Variants in CAST observed in about 807,000 individuals in gnomAD.
The protein encoded by CAST is calpastatin.
In CAST, 76 loss-of-function variants were observed where a neutral mutation model predicts 119.6. The observed-to-expected ratio is 0.64, with a 90% CI of 0.53 to 0.77. CAST has a LOEUF of 0.77. Ranked by LOEUF, CAST falls within the 30% of genes least tolerant of loss-of-function variation. The probability of loss-of-function intolerance (pLI) is 0.00; values close to 1 mark genes in which losing one functional copy is unlikely to be tolerated. For synonymous variants in CAST, 319 were observed against 331.6 expected (o/e 0.96, Z 0.41); for missense variants, 953 against 946.5 (o/e 1.01, Z -0.09).
chr5:96,722,733 A>T, intron 4 of CAST, 35 bp downstream of exon 4: 1 of 1,461,580 alleles, frequency 6.8e-7, no homozygotes, highest in Non-Finnish European at 9.6e-7. Context: ...GTGCTAATTT[A>T]AGTTGATTGT....
the CAST span, chr5:96,423,301 G>T: frequency 2.5e-6 from 4 of 1,601,968 alleles, no homozygotes; most frequent in Non-Finnish European, 3.4e-6. Flanking sequence ...TCATGAGAAG[G>T]CACACACTTA....
intron 2 of CAST, among the ~76,000 whole-genome samples, chr5:96,677,710 G>A (rs1196562055): frequency 1.3e-5 from 2 of 152,224 alleles, no homozygotes; most frequent in African/African-American, 4.8e-5. Context: ...ACCAGCAGAA[G>A]TAAAGAGGGG....
chr5:96,100,835 C>T, the CAST span, among the ~76,000 whole-genome samples: 1 of 151,954 alleles, frequency 6.6e-6, no homozygotes. Flanking sequence ...ACTTATTAAT[C>T]TCTAAATTGC....
the CAST span, among the ~76,000 whole-genome samples, chr5:96,002,797 G>T: frequency 1.3e-5 from 2 of 152,232 alleles, no homozygotes; most frequent in Admixed American, 6.5e-5. Flanking sequence ...ATGCAAGGCT[G>T]CTCTGAATAA....
the CAST span, among the ~76,000 whole-genome samples, chr5:96,439,883 T>C: frequency 6.6e-6 from 1 of 152,154 alleles, no homozygotes; most frequent in East Asian, 1.9e-4. Flanking sequence ...TTGTCCCTAA[T>C]TATGGTTAGA....
At chr5:96,589,684 T>C (rs1034371005) in intron 1 of CAST, among the ~76,000 whole-genome samples, 7 of 152,220 alleles carry the variant, frequency 4.6e-5, no homozygotes, top group African/African-American at 1.7e-4. Context: ...GTGATTCCTT[T>C]AATAGCATAA....
At chr5:96,093,689 G>A in the CAST span, among the ~76,000 whole-genome samples, 3 of 152,218 alleles carry the variant, frequency 2.0e-5, no homozygotes, top group South Asian at 6.2e-4. Context: ...TGGGTTTGAA[G>A]GGTCTGGAAA....
chr5:96,667,353 G>A (rs947743438), intron 1 of CAST, among the ~76,000 whole-genome samples: 2 of 152,160 alleles, frequency 1.3e-5, no homozygotes, highest in African/African-American at 4.8e-5. Context: ...TCGTGCAGTG[G>A]TCTGTGCCTG....
At chr5:96,743,648 A>C (rs1193713511) in intron 16 of CAST, 1 of 1,613,088 alleles carries the variant, frequency 6.2e-7, no homozygotes, top group East Asian at 2.2e-5. Flanking sequence ...TCTATCTTCG[A>C]CTTTCTTGGA....
At chr5:96,584,994 C>T (rs1183094676) in intron 1 of CAST, 2 of 152,218 alleles carry the variant, frequency 1.3e-5, no homozygotes, top group Non-Finnish European at 2.9e-5. Flanking sequence ...TCAGGCCAAG[C>T]TGAAACGTGG....
At chr5:96,422,927 G>A in the CAST span, among the ~76,000 whole-genome samples, 2 of 145,028 alleles carry the variant, frequency 1.4e-5, no homozygotes, top group African/African-American at 5.8e-5. Flanking sequence ...TACAATGTCA[G>A]GGATATAGAC....
At chr5:96,018,793 C>A in the CAST span, among the ~76,000 whole-genome samples, 2 of 152,142 alleles carry the variant, frequency 1.3e-5, no homozygotes, top group Non-Finnish European at 2.9e-5. Flanking sequence ...AAGAAAGAAT[C>A]TCATATAATT....
At chr5:96,362,266 C>T in the CAST span, among the ~76,000 whole-genome samples, 1 of 152,198 alleles carries the variant, frequency 6.6e-6, no homozygotes, top group Non-Finnish European at 1.5e-5. Flanking sequence ...CAAGTCTTTG[C>T]TATTGTGAAC....
the CAST span, among the ~76,000 whole-genome samples, chr5:96,471,270 T>C: frequency 6.6e-6 from 1 of 152,118 alleles, no homozygotes; most frequent in South Asian, 2.1e-4. Context: ...ACTGAAGCCA[T>C]ACCTTACCAT....
intron 16 of CAST, among the ~76,000 whole-genome samples, chr5:96,743,180 T>C (rs1465823758): frequency 1.3e-5 from 2 of 152,076 alleles, no homozygotes; most frequent in African/African-American, 4.8e-5. Flanking sequence ...TGTTGAAAAT[T>C]TTGTCTCAAA....
the CAST span, chr5:96,110,805 A>C: frequency 2.0e-5 from 3 of 152,208 alleles, no homozygotes; most frequent in African/African-American, 7.2e-5. Context: ...TCCAGAGCAC[A>C]ATCAGATGAG....
chr5:96,116,075 T>C, the CAST span, among the ~76,000 whole-genome samples: 1 of 152,184 alleles, frequency 6.6e-6, no homozygotes, highest in Admixed American at 6.5e-5. Context: ...TTCTAGAAAG[T>C]AGCCTTTGTG....
At chr5:96,031,913 C>T in the CAST span, among the ~76,000 whole-genome samples, 2 of 152,176 alleles carry the variant, frequency 1.3e-5, no homozygotes, top group Non-Finnish European at 2.9e-5. Context: ...GGAATCAAGA[C>T]ATCAGCTAGG....
chr5:96,079,753 T>A, the CAST span, among the ~76,000 whole-genome samples: 16 of 152,350 alleles, frequency 1.1e-4, no homozygotes, highest in East Asian at 2.5e-3. Context: ...ACATACTATA[T>A]ACATCTTGGT....
Sources: gnomAD v4.1 joint callset for allele counts (sites outside exome capture counted in the v4.1 genomes callset) on GRCh38, gnomAD v4.1.1 for gene constraint, MANE v1.5 for transcripts, NCBI Gene and HGNC (gene_info 2026-07-23, HGNC 2026-07-21) for gene names.